NAV3: variants seen among roughly 807,000 people sequenced by gnomAD.
NAV3 encodes neuron navigator 3, also known as pore membrane and/or filament interacting like protein 1.
NAV3 carries 87 observed loss-of-function variants against 244.7 expected under a neutral mutation model. The ratio of observed to expected loss-of-function variants is 0.36; its 90% CI spans 0.30 to 0.42. NAV3 has a LOEUF of 0.42. NAV3 is among the 20% of genes least tolerant of loss of function. The pLI, the probability that NAV3 is intolerant of heterozygous loss-of-function variation, is 1.00. For synonymous variants in NAV3, 1,126 were observed against 1,042.2 expected (o/e 1.08, Z -1.55); for missense variants, 2,663 against 2,893.3 (o/e 0.92, Z 1.83).
At chr12:78,014,990 A>G (rs1479010) in intron 8 of NAV3, among the ~76,000 whole-genome samples, 70,949 of 151,820 alleles carry the variant, frequency 0.47, 17,330 homozygotes, top group Non-Finnish European at 0.53. Context: ...CGGTATTTTT[A>G]GGATGGAATA....
At chr12:78,145,408 A>G (rs988778682) in intron 20 of NAV3, among the ~76,000 whole-genome samples, 1 of 152,338 alleles carries the variant, frequency 6.6e-6, no homozygotes, top group South Asian at 2.1e-4. Flanking sequence ...AAAACAGTTC[A>G]GGTAGTTTTG....
At chr12:78,095,045 T>TTATATATATATATATATATATATATATA (rs368659738) in intron 12 of NAV3, among the ~76,000 whole-genome samples, 6 of 123,858 alleles carry the variant, frequency 4.8e-5, no homozygotes, top group Non-Finnish European at 8.9e-5. Context: ...CCATATCAAA[T>TTATATATATATATATATATATATATATA]TATATATATA....
chr12:78,110,306 A>G (rs1209418523), intron 12 of NAV3, among the ~76,000 whole-genome samples: 2 of 152,086 alleles, frequency 1.3e-5, no homozygotes, highest in Non-Finnish European at 2.9e-5. Context: ...CAAATTGAGA[A>G]ACATCCCATG....
intron 8 of NAV3, among the ~76,000 whole-genome samples, chr12:78,016,331 T>C (rs1305205117): frequency 1.3e-5 from 2 of 152,188 alleles, no homozygotes; most frequent in Non-Finnish European, 2.9e-5. Flanking sequence ...TTCAATGTGA[T>C]TATTCACATA....
At position 77,872,424 on chromosome 12, in the gene NAV3, G is replaced by A. The variant is rs547625743; in HGVS notation, c.243+40720G>A. On this transcript the variant is annotated intron_variant, in intron 1 of 39. Transcript: ENST00000397909. ...AACAAAAGCATTCAGAGAAAGAAGG[G>A]ACTGGTATAGGTAGTAGTTGGTGGA... Among the ~76,000 whole-genome samples the A allele has an allele frequency of 3.9e-5, 6 of 152,298 alleles. No individual in the cohort carries two copies. The South Asian group carries it at 1.0e-3, about 26-fold the overall frequency.
intron 2 of NAV3, among the ~76,000 whole-genome samples, chr12:77,724,095 A>T (rs984036018): frequency 6.6e-6 from 1 of 151,926 alleles, no homozygotes; most frequent in Non-Finnish European, 1.5e-5. Flanking sequence ...TAAAGTATAT[A>T]ACATATTCTA....
chr12:77,704,333 A>G (rs929897066), intron 2 of NAV3, among the ~76,000 whole-genome samples: 10 of 152,168 alleles, frequency 6.6e-5, no homozygotes, highest in African/African-American at 2.2e-4. Context: ...CATAGATCAC[A>G]TTTGTAGCAG....
At chr12:78,064,801 G>A (rs546767422) in intron 12 of NAV3, among the ~76,000 whole-genome samples, 7 of 151,844 alleles carry the variant, frequency 4.6e-5, no homozygotes, top group South Asian at 4.2e-4. Flanking sequence ...AAATTAGCTC[G>A]TATACAAGCT....
chr12:77,763,542 C>T (rs1022487475), intron 2 of NAV3, among the ~76,000 whole-genome samples: 5 of 152,156 alleles, frequency 3.3e-5, no homozygotes, highest in African/African-American at 7.2e-5. Flanking sequence ...AACCCTAATA[C>T]GAGTAATGCA....
chr12:77,908,954 T>C (rs751847920), intron 1 of NAV3, among the ~76,000 whole-genome samples: 14 of 152,098 alleles, frequency 9.2e-5, no homozygotes, highest in Non-Finnish European at 1.8e-4. Context: ...ATGGGCTGAC[T>C]GGATCCAAAT....
intron 1 of NAV3, among the ~76,000 whole-genome samples, chr12:77,840,415 G>T (rs570939519): frequency 6.6e-6 from 1 of 152,078 alleles, no homozygotes; most frequent in Non-Finnish European, 1.5e-5. Flanking sequence ...AATGGGTGGG[G>T]GACATTTCCA....
chr12:77,740,223 G>A (rs1229047843), intron 2 of NAV3, among the ~76,000 whole-genome samples: 2 of 151,994 alleles, frequency 1.3e-5, no homozygotes, highest in African/African-American at 4.8e-5. Context: ...TATTTCTTAT[G>A]CATACCAACT....
At chr12:77,667,001 T>C (rs1227737580) in intron 2 of NAV3, among the ~76,000 whole-genome samples, 8 of 152,186 alleles carry the variant, frequency 5.3e-5, no homozygotes. Context: ...ATGTGTATAC[T>C]TTTTTTAGAT....
intron 3 of NAV3, among the ~76,000 whole-genome samples, chr12:77,950,292 C>T (rs1433376802): frequency 6.6e-6 from 1 of 152,110 alleles, no homozygotes; most frequent in Non-Finnish European, 1.5e-5. Context: ...AGAGTTCCTG[C>T]TGCTTCACAT....
chr12:78,033,942 T>C (rs1879420400), intron 9 of NAV3, among the ~76,000 whole-genome samples: 1 of 152,208 alleles, frequency 6.6e-6, no homozygotes, highest in South Asian at 2.1e-4. Flanking sequence ...AAAATCAACA[T>C]GTCCCAGACT....
At chr12:78,014,747 G>C (rs992255442) in intron 8 of NAV3, among the ~76,000 whole-genome samples, 1 of 152,214 alleles carries the variant, frequency 6.6e-6, no homozygotes, top group South Asian at 2.1e-4. Context: ...AGGAGGAACT[G>C]TGAGTTTACA....
chr12:77,894,159 G>A (rs1026818104), intron 1 of NAV3, among the ~76,000 whole-genome samples: 6 of 152,084 alleles, frequency 3.9e-5, no homozygotes, highest in African/African-American at 1.4e-4. Flanking sequence ...TTGGAACTTT[G>A]CCCAGCACTT....
intron 2 of NAV3, among the ~76,000 whole-genome samples, chr12:77,686,651 A>G (rs1204568014): frequency 6.6e-6 from 1 of 151,978 alleles, no homozygotes; most frequent in Non-Finnish European, 1.5e-5. Context: ...TTTCATTATT[A>G]TGCCCATTTA....
chr12:77,587,803 T>C (rs1281981768), intron 2 of NAV3, among the ~76,000 whole-genome samples: 6 of 152,300 alleles, frequency 3.9e-5, no homozygotes, highest in Admixed American at 3.3e-4. Context: ...GCATTCCATG[T>C]AATAGTTACA....
Sources: gnomAD v4.1 joint callset for allele counts (sites outside exome capture counted in the v4.1 genomes callset) on GRCh38, gnomAD v4.1.1 for gene constraint, MANE v1.5 for transcripts, NCBI Gene and HGNC (gene_info 2026-07-23, HGNC 2026-07-21) for gene names.